Variants in DRC11 observed in about 807,000 individuals in gnomAD.
DRC11 encodes dynein regulatory complex subunit 11.
chr2:236,378,738 C>T, the DRC11 span, among the ~76,000 whole-genome samples: 5 of 151,980 alleles, frequency 3.3e-5, no homozygotes, highest in South Asian at 8.3e-4. Context: ...GCTGCACCCT[C>T]CTCAAGGGAT....
the DRC11 span, among the ~76,000 whole-genome samples, chr2:236,352,928 T>G: frequency 6.6e-6 from 1 of 152,140 alleles, no homozygotes; most frequent in African/African-American, 2.4e-5. This position sits in a 1 kb window ranked among gnomAD's most constrained non-coding sequence, Gnocchi z 7.0. Context: ...GCCTGGACAT[T>G]CTGTGCGTGT....
chr2:236,441,391 T>A, the DRC11 span, among the ~76,000 whole-genome samples: 1 of 151,886 alleles, frequency 6.6e-6, no homozygotes, highest in Non-Finnish European at 1.5e-5. Context: ...TTTTTTTTTT[T>A]AATGTTGAGA....
the DRC11 span, among the ~76,000 whole-genome samples, chr2:236,328,590 T>C: frequency 6.6e-6 from 1 of 152,114 alleles, no homozygotes; most frequent in Non-Finnish European, 1.5e-5. The surrounding 1 kb of genome is among the most constrained non-coding windows in gnomAD (Gnocchi z 6.7). Context: ...GCCACCCATG[T>C]ATTAGCTCAT....
chr2:236,398,394 G>C, the DRC11 span, among the ~76,000 whole-genome samples: 2 of 152,142 alleles, frequency 1.3e-5, no homozygotes, highest in East Asian at 3.8e-4. The surrounding 1 kb of genome is among the most constrained non-coding windows in gnomAD (Gnocchi z 6.2). Context: ...TTGTTGCTTA[G>C]GATAAGGTGC....
the DRC11 span, among the ~76,000 whole-genome samples, chr2:236,498,863 T>G: frequency 1.3e-5 from 2 of 152,210 alleles, no homozygotes; most frequent in Non-Finnish European, 2.9e-5. Flanking sequence ...TTCAGGTGAT[T>G]TTTTTATTCT....
the DRC11 span, among the ~76,000 whole-genome samples, chr2:236,326,787 ATTTGT>A: frequency 6.3e-5 from 9 of 142,856 alleles, no homozygotes; most frequent in Non-Finnish European, 1.2e-4. Context: ...TGATTTTCAG[ATTTGT>A]TGTGTGTGTG....
the DRC11 span, among the ~76,000 whole-genome samples, chr2:236,455,331 G>A: frequency 6.6e-6 from 1 of 152,228 alleles, no homozygotes; most frequent in Non-Finnish European, 1.5e-5. The surrounding 1 kb of genome is among the most constrained non-coding windows in gnomAD (Gnocchi z 5.7). Context: ...GCATGTCTAA[G>A]CCTTGGGTTC....
At chr2:236,437,893 G>A in the DRC11 span, among the ~76,000 whole-genome samples, 1 of 142,494 alleles carries the variant, frequency 7.0e-6, no homozygotes, top group African/African-American at 2.6e-5. Context: ...TTTGTAGGTT[G>A]CCTGTTCACT....
At chr2:236,393,049 T>A in the DRC11 span, among the ~76,000 whole-genome samples, 1 of 152,140 alleles carries the variant, frequency 6.6e-6, no homozygotes. The surrounding 1 kb of genome is among the most constrained non-coding windows in gnomAD (Gnocchi z 4.7). Flanking sequence ...GTTCCAAATG[T>A]ATGCTGAGGT....
the DRC11 span, among the ~76,000 whole-genome samples, chr2:236,315,895 G>C: frequency 1.3e-5 from 2 of 152,110 alleles, no homozygotes; most frequent in Admixed American, 6.5e-5. The surrounding 1 kb of genome is among the most constrained non-coding windows in gnomAD (Gnocchi z 5.1). Context: ...AATGCATGCT[G>C]GGCTTAATAC....
At chr2:236,358,366 T>C in the DRC11 span, among the ~76,000 whole-genome samples, 1 of 126,596 alleles carries the variant, frequency 7.9e-6, no homozygotes, top group Non-Finnish European at 1.7e-5. Flanking sequence ...GAATATATAA[T>C]ATATAGATAT....
the DRC11 span, among the ~76,000 whole-genome samples, chr2:236,504,429 T>C: frequency 1.3e-5 from 2 of 152,202 alleles, no homozygotes; most frequent in Non-Finnish European, 2.9e-5. This position sits in a 1 kb window ranked among gnomAD's most constrained non-coding sequence, Gnocchi z 5.0. Context: ...AGTTTCTGCG[T>C]GGAAATATGT....
the DRC11 span, among the ~76,000 whole-genome samples, chr2:236,410,452 T>C: frequency 6.6e-6 from 1 of 151,414 alleles, no homozygotes; most frequent in Admixed American, 6.6e-5. Flanking sequence ...ATCAATATCG[T>C]GAAAATGGCC....
At chr2:236,331,454 G>T in the DRC11 span, 3 of 1,613,756 alleles carry the variant, frequency 1.9e-6, no homozygotes, top group African/African-American at 4.0e-5. This position sits in a 1 kb window ranked among gnomAD's most constrained non-coding sequence, Gnocchi z 4.8. Context: ...ATTTGCCGCC[G>T]GATTCTCTGA....
chr2:236,453,229 C>T, the DRC11 span, among the ~76,000 whole-genome samples: 1 of 152,200 alleles, frequency 6.6e-6, no homozygotes, highest in East Asian at 1.9e-4. This position sits in a 1 kb window ranked among gnomAD's most constrained non-coding sequence, Gnocchi z 4.9. Flanking sequence ...TTTGAATTCA[C>T]TTCTTATGTA....
the DRC11 span, chr2:236,507,160 A>C: frequency 7.8e-7 from 1 of 1,281,470 alleles, no homozygotes; most frequent in East Asian, 3.0e-5. Flanking sequence ...GGGAGGAGAA[A>C]AGAAAAGAAA....
chr2:236,369,797 T>G, the DRC11 span, among the ~76,000 whole-genome samples: 1 of 152,164 alleles, frequency 6.6e-6, no homozygotes, highest in South Asian at 2.1e-4. This position sits in a 1 kb window ranked among gnomAD's most constrained non-coding sequence, Gnocchi z 4.5. Flanking sequence ...TTCCCATCCG[T>G]GCATTCGGAG....
the DRC11 span, chr2:236,338,067 G>A: frequency 4.1e-6 from 3 of 729,678 alleles, no homozygotes; most frequent in African/African-American, 1.8e-5. Context: ...TTGGGTGCAG[G>A]TGCACACACC....
At chr2:236,378,826 C>T in the DRC11 span, among the ~76,000 whole-genome samples, 2 of 152,122 alleles carry the variant, frequency 1.3e-5, no homozygotes, top group African/African-American at 4.8e-5. Context: ...TGTGTGCCTC[C>T]CCAGGAACTG....
Sources: gnomAD v4.1 joint callset for allele counts (sites outside exome capture counted in the v4.1 genomes callset) on GRCh38, gnomAD v4.1.1 for gene constraint, Gnocchi (gnomAD v3.1) non-coding constraint, MANE v1.5 for transcripts, NCBI Gene and HGNC (gene_info 2026-07-23, HGNC 2026-07-21) for gene names.